Variants in RUNDC3B observed in about 807,000 individuals in gnomAD.
RUNDC3B encodes RUN domain-containing protein 3B.
A neutral mutation model predicts 58.4 loss-of-function variants in RUNDC3B; 33 were observed. The ratio of observed to expected loss-of-function variants is 0.56; its 90% CI spans 0.43 to 0.75. The LOEUF (loss-of-function observed/expected upper bound fraction) is 0.75, where lower values mean the gene tolerates loss of function less well. Among genes scored for constraint, RUNDC3B ranks in the 30% least tolerant of loss-of-function variants. The pLI is 0.00. For missense variants in RUNDC3B, 501 were observed against 535.7 expected, an observed-to-expected ratio of 0.94 and a Z score of 0.64; for synonymous variants, 193 against 195.2, an observed-to-expected ratio of 0.99 and a Z score of 0.10.
intron 6 of RUNDC3B, among the ~76,000 whole-genome samples, chr7:87,756,884 C>T (rs1057079220): frequency 6.6e-6 from 1 of 151,706 alleles, no homozygotes; most frequent in South Asian, 2.1e-4. Context: ...TAGATAATAC[C>T]CTCTCCCTCC....
intron 10 of RUNDC3B, among the ~76,000 whole-genome samples, chr7:87,818,974 G>A (rs992423846): frequency 3.9e-5 from 6 of 152,102 alleles, no homozygotes; most frequent in Non-Finnish European, 8.8e-5. Flanking sequence ...GGTACTTCCG[G>A]CAGCACTCCT....
intron 7 of RUNDC3B, among the ~76,000 whole-genome samples, chr7:87,775,569 G>A (rs777869227): frequency 7.2e-5 from 11 of 152,152 alleles, no homozygotes; most frequent in Non-Finnish European, 1.2e-4. Flanking sequence ...TACAGTAGTT[G>A]TAGGCCTTTA....
At chr7:87,718,229 T>C (rs564363438) in intron 4 of RUNDC3B, among the ~76,000 whole-genome samples, 4 of 152,244 alleles carry the variant, frequency 2.6e-5, no homozygotes, top group African/African-American at 9.6e-5. Context: ...TGGAATCATA[T>C]GGGCTGTGCT....
rs551185156 is a variant in RUNDC3B at position 87,787,471 on chromosome 7, C to T, written c.956+9516C>T. On this transcript the variant is annotated intron_variant, in intron 8 of 10. Coordinates refer to ENST00000394654, the MANE Select transcript of RUNDC3B (RefSeq NM_001134405.2). ...CCTGGGCAATTTAAATCCTGAGTCA[C>T]TTAGTTTTATGTATTTCTTGATGAT... Among the ~76,000 whole-genome samples the T allele has an allele frequency of 5.3e-5, 8 of 152,142 alleles. 1 individual carries two copies. In the South Asian group the frequency reaches 1.7e-3, roughly 32 times the overall value.
chr7:87,695,679 G>A (rs989606731), intron 2 of RUNDC3B, among the ~76,000 whole-genome samples: 1 of 151,996 alleles, frequency 6.6e-6, no homozygotes, highest in Non-Finnish European at 1.5e-5. Flanking sequence ...ACTAAAGATG[G>A]GGAATTAAGT....
chr7:87,808,237 C>T (rs1836540274), intron 9 of RUNDC3B, among the ~76,000 whole-genome samples: 1 of 151,264 alleles, frequency 6.6e-6, no homozygotes, highest in African/African-American at 2.4e-5. Flanking sequence ...TTTTTCCCTT[C>T]CCCCTCTTTC....
intron 2 of RUNDC3B, among the ~76,000 whole-genome samples, chr7:87,691,648 T>C (rs1204771430): frequency 6.6e-6 from 1 of 152,200 alleles, no homozygotes; most frequent in African/African-American, 2.4e-5. Flanking sequence ...AGAGCAGCAC[T>C]TCTACTTCCT....
intron 10 of RUNDC3B, among the ~76,000 whole-genome samples, chr7:87,821,139 C>G (rs1347003479): frequency 4.6e-5 from 7 of 151,432 alleles, no homozygotes; most frequent in African/African-American, 1.5e-4. Context: ...ATCTAGAAAA[C>G]CCCATTGTCT....
At chr7:87,757,707 C>G (rs1833448458) in intron 6 of RUNDC3B, among the ~76,000 whole-genome samples, 1 of 152,028 alleles carries the variant, frequency 6.6e-6, no homozygotes, top group Admixed American at 6.6e-5. Flanking sequence ...ATAGCCAAAG[C>G]TATCATGAAC....
chr7:87,638,811 G>A (rs574946656), intron 1 of RUNDC3B, among the ~76,000 whole-genome samples: 1 of 151,982 alleles, frequency 6.6e-6, no homozygotes, highest in South Asian at 2.1e-4. Context: ...CTGTCGACTC[G>A]TGTTATGACT....
chr7:87,771,631 A>G (rs1349755995), intron 7 of RUNDC3B, among the ~76,000 whole-genome samples: 5 of 152,170 alleles, frequency 3.3e-5, no homozygotes, highest in African/African-American at 1.2e-4. Flanking sequence ...ACATACACCT[A>G]ACACAAGAAG....
At chr7:87,693,670 C>T (rs545243307) in intron 2 of RUNDC3B, among the ~76,000 whole-genome samples, 1 of 152,156 alleles carries the variant, frequency 6.6e-6, no homozygotes, top group East Asian at 1.9e-4. Context: ...ATATTTTTGA[C>T]TTACAGACAC....
At chr7:87,739,967 A>G (rs1832218007) in intron 5 of RUNDC3B, 87 bp downstream of exon 5, 1 of 569,330 alleles carries the variant, frequency 1.8e-6, no homozygotes, top group Non-Finnish European at 3.1e-6. Flanking sequence ...TTGTCTAAGT[A>G]AAGCACACAG....
chr7:87,727,594 T>C (rs919274899), intron 4 of RUNDC3B, among the ~76,000 whole-genome samples: 28 of 151,486 alleles, frequency 1.8e-4, no homozygotes, highest in African/African-American at 6.3e-4. Context: ...TACATTTTTT[T>C]CCCAGATGAA....
At chr7:87,788,822 A>G (rs1179015536) in intron 8 of RUNDC3B, among the ~76,000 whole-genome samples, 1 of 150,976 alleles carries the variant, frequency 6.6e-6, no homozygotes, top group Non-Finnish European at 1.5e-5. Context: ...ACTTATTGTC[A>G]TAATTATTTA....
chr7:87,631,891 A>G (rs1276587228), intron 1 of RUNDC3B, among the ~76,000 whole-genome samples: 1 of 152,210 alleles, frequency 6.6e-6, no homozygotes, highest in East Asian at 1.9e-4. Flanking sequence ...TTAACCTTCA[A>G]TTATAGGCTT....
chr7:87,816,240 C>T lies in RUNDC3B; in HGVS notation c.1203C>T (p.Asp401=), dbSNP rs553204698. The T allele has an allele frequency of 3.1e-6, 5 of 1,611,364 alleles. No homozygotes were observed. Among genetic ancestry groups the T allele is most frequent in the Non-Finnish European group, 3.4e-6 (4 of 1,178,002 alleles). The change falls in exon 10 of 11, where the codon GAC becomes GAT. Residue 401 remains aspartate, a synonymous_variant. Coordinates refer to ENST00000394654, the MANE Select transcript of RUNDC3B (RefSeq NM_001134405.2). ...CACAAGAAGGAGATGGAAAACAAGA[C>T]ACATTAAATGTAATGAGTGAAGGTA... ...GQSQEGDGKQ[D]TLNVMSEGKE... is the part of the protein sequence containing the mutation.
At chr7:87,766,877 G>A (rs182077377) in intron 6 of RUNDC3B, among the ~76,000 whole-genome samples, 35 of 152,154 alleles carry the variant, frequency 2.3e-4, no homozygotes, top group South Asian at 1.2e-3. Context: ...CTCAAGAATA[G>A]CCAAAAGTTG....
intron 1 of RUNDC3B, among the ~76,000 whole-genome samples, chr7:87,648,989 A>G (rs1455257801): frequency 6.6e-6 from 1 of 152,046 alleles, no homozygotes; most frequent in African/African-American, 2.4e-5. Flanking sequence ...CGGATTGAAT[A>G]GCATAACTAT....
Sources: allele counts gnomAD v4.1 joint callset (sites outside exome capture counted in the v4.1 genomes callset), GRCh38; gene constraint gnomAD v4.1.1; transcripts MANE v1.5; gene names NCBI Gene and HGNC (gene_info 2026-07-23, HGNC 2026-07-21).